ANKRD28: variants seen among roughly 807,000 people sequenced by gnomAD.
The protein encoded by ANKRD28 is serine/threonine-protein phosphatase 6 regulatory ankyrin repeat subunit A.
ANKRD28 carries 44 observed loss-of-function variants against 126.5 expected under a neutral mutation model. The ratio of observed to expected loss-of-function variants is 0.35; its 90% CI spans 0.27 to 0.45. The LOEUF (loss-of-function observed/expected upper bound fraction) is 0.45, where lower values mean the gene tolerates loss of function less well. Ranked by LOEUF, ANKRD28 falls within the 20% of genes least tolerant of loss-of-function variation. ANKRD28 has a pLI of 1.00. For missense variants in ANKRD28, 1,110 were observed against 1,316.6 expected (o/e 0.84, Z 2.43); for synonymous variants, 442 against 468.5 (o/e 0.94, Z 0.73).
intron 6 of ANKRD28, among the ~76,000 whole-genome samples, chr3:15,730,986 G>A (rs2074551230): frequency 6.6e-6 from 1 of 152,172 alleles, no homozygotes; most frequent in Non-Finnish European, 1.5e-5. Flanking sequence ...GGTGCTTCAA[G>A]AGGGCCCTCA....
At chr3:15,714,488 T>A in intron 9 of ANKRD28, 90 bp downstream of exon 9, 1 of 902,982 alleles carries the variant, frequency 1.1e-6, no homozygotes. Flanking sequence ...GCGATGACAA[T>A]TCCTCAATAC....
chr3:15,725,030 T>C (rs1323403381), intron 6 of ANKRD28, among the ~76,000 whole-genome samples: 1 of 152,124 alleles, frequency 6.6e-6, no homozygotes, highest in Non-Finnish European at 1.5e-5. Context: ...TTGGTAAGTG[T>C]TGGCAGAGAC....
chr3:15,717,565 C>T (rs941604399), intron 8 of ANKRD28, among the ~76,000 whole-genome samples: 1 of 151,602 alleles, frequency 6.6e-6, no homozygotes, highest in Non-Finnish European at 1.5e-5. Flanking sequence ...AAATTTAGAG[C>T]TACAAAAATC....
At chr3:15,855,536 T>C (rs1012443474) in intron 1 of ANKRD28, among the ~76,000 whole-genome samples, 13 of 152,178 alleles carry the variant, frequency 8.5e-5, no homozygotes, top group Admixed American at 4.6e-4. Context: ...ATTACACATA[T>C]GCATACCACG....
intron 14 of ANKRD28, among the ~76,000 whole-genome samples, chr3:15,701,682 A>G (rs538699162): frequency 3.3e-5 from 5 of 152,182 alleles, no homozygotes; most frequent in Non-Finnish European, 7.3e-5. Flanking sequence ...TAAAAAGGTT[A>G]AAGTGGGTAT....
intron 14 of ANKRD28, among the ~76,000 whole-genome samples, chr3:15,701,839 C>T (rs2070677827): frequency 6.6e-6 from 1 of 152,030 alleles, no homozygotes; most frequent in Non-Finnish European, 1.5e-5. Context: ...CACAGCCTTC[C>T]TTGGTGCCGA....
intron 7 of ANKRD28, 77 bp from the exon 8 acceptor site, chr3:15,721,204 G>C: frequency 5.7e-6 from 7 of 1,222,030 alleles, no homozygotes; most frequent in Non-Finnish European, 7.0e-6. Context: ...TTAGCAACCT[G>C]TGGTTGCAAT....
intron 8 of ANKRD28, among the ~76,000 whole-genome samples, chr3:15,718,582 T>C (rs1287407841): frequency 6.6e-6 from 1 of 152,044 alleles, no homozygotes; most frequent in African/African-American, 2.4e-5. Context: ...CAGAATCAAG[T>C]GATTCATTAT....
rs987726486 is a variant in ANKRD28, at chr3:15,668,517, G to GA, written c.*1752dup. Reference sequence around the variant, plus strand: ...ATTTATAATTTCTGTAAATATTTTAGAAAAAATGCTTAAAATCTAGTAGTC... The same window carrying GA: ...ATTTATAATTTCTGTAAATATTTTAGAAAAAAATGCTTAAAATCTAGTAGTC... On this transcript the variant is annotated 3_prime_UTR_variant, in exon 28 of 28. Coordinates refer to ENST00000683139, the MANE Select transcript of ANKRD28 (RefSeq NM_001349278.2). 6.6e-6 allele frequency: 1 copy of GA among 152,230 alleles called. No individual in the cohort carries two copies. Among genetic ancestry groups the GA allele is most frequent in the Non-Finnish European group, 1.5e-5 (1 of 67,946 alleles). 9.4% of individuals were successfully genotyped at this position (152,230 alleles called of 1,614,324 possible). A position where few individuals can be genotyped will look rare whatever the true frequency, so the allele number is the denominator to read the frequency against.
intron 4 of ANKRD28, among the ~76,000 whole-genome samples, chr3:15,742,511 A>G (rs1472502719): frequency 5.8e-5 from 7 of 120,512 alleles, no homozygotes; most frequent in African/African-American, 9.7e-5. Context: ...CAACCGCCCC[A>G]TATGAGAAGT....
At chr3:15,740,041 A>C (rs1317022184) in intron 4 of ANKRD28, among the ~76,000 whole-genome samples, 1 of 152,220 alleles carries the variant, frequency 6.6e-6, no homozygotes, top group Non-Finnish European at 1.5e-5. Flanking sequence ...AACAAACAGT[A>C]TATCTGTACT....
intron 27 of ANKRD28, among the ~76,000 whole-genome samples, chr3:15,672,701 C>CG (rs2066497770): frequency 6.6e-6 from 1 of 152,086 alleles, no homozygotes; most frequent in Admixed American, 6.5e-5. Context: ...TGGATGAGAG[C>CG]GGGAGTGGGG....
At chr3:15,681,377 T>G (rs2067531323) in intron 21 of ANKRD28, among the ~76,000 whole-genome samples, 1 of 152,226 alleles carries the variant, frequency 6.6e-6, no homozygotes, top group South Asian at 2.1e-4. Context: ...CATCAATATC[T>G]GGTCCATAGT....
chr3:15,771,544 G>T (rs948028333), intron 2 of ANKRD28, among the ~76,000 whole-genome samples: 1 of 152,058 alleles, frequency 6.6e-6, no homozygotes, highest in Non-Finnish European at 1.5e-5. Flanking sequence ...AGAGAAGAGG[G>T]GGTGCCAAGC....
At chr3:15,713,034 T>C (rs905947136) in intron 10 of ANKRD28, among the ~76,000 whole-genome samples, 6 of 152,166 alleles carry the variant, frequency 3.9e-5, no homozygotes, top group Admixed American at 2.0e-4. Context: ...AAACAAAATA[T>C]TACAATGGGA....
Position 15,686,210 on chromosome 3 carries a change from A to G in ANKRD28, c.2051+12T>C, listed in dbSNP as rs1350574846. On this transcript the variant is annotated intron_variant, in intron 19 of 27. Transcript: ENST00000683139. ...CCCTTCTGTGATGCAACAATTATTTATCGAAACTTACTGTCCATTTCCATC... is the reference window on the plus strand; with the variant it reads ...CCCTTCTGTGATGCAACAATTATTTGTCGAAACTTACTGTCCATTTCCATC... The G allele has an allele frequency of 1.3e-6, 2 of 1,589,544 alleles. No individual in the cohort carries two copies. The highest frequency in any genetic ancestry group is 1.8e-5 in the Admixed American group (1 of 55,798).
intron 7 of ANKRD28, among the ~76,000 whole-genome samples, chr3:15,724,119 A>C (rs980125927): frequency 1.3e-5 from 2 of 152,226 alleles, no homozygotes; most frequent in Non-Finnish European, 2.9e-5. Context: ...AAATGGAACT[A>C]CAGGGCCTGG....
At chr3:15,774,037 A>G (rs1559508634) in intron 2 of ANKRD28, among the ~76,000 whole-genome samples, 1 of 152,220 alleles carries the variant, frequency 6.6e-6, no homozygotes, top group Admixed American at 6.5e-5. Flanking sequence ...ACTAAAGTAC[A>G]AAGGCAAGTC....
intron 8 of ANKRD28, among the ~76,000 whole-genome samples, chr3:15,719,723 A>G (rs2073486786): frequency 6.7e-6 from 1 of 149,230 alleles, no homozygotes; most frequent in East Asian, 2.0e-4. Context: ...ATAATTTTTA[A>G]TTTTTTTTTT....
Sources: gnomAD v4.1 joint callset for allele counts (sites outside exome capture counted in the v4.1 genomes callset) on GRCh38, gnomAD v4.1.1 for gene constraint, MANE v1.5 for transcripts, NCBI Gene and HGNC (gene_info 2026-07-23, HGNC 2026-07-21) for gene names.